Variants in CSMD3 observed in about 807,000 individuals in gnomAD.
CSMD3 encodes CUB and sushi domain-containing protein 3.
In CSMD3, 177 loss-of-function variants were observed where a neutral mutation model predicts 435.2. The ratio of observed to expected loss-of-function variants is 0.41; its 90% confidence interval spans 0.36 to 0.46. The LOEUF (loss-of-function observed/expected upper bound fraction) is 0.46, where lower values mean the gene tolerates loss of function less well. Among genes scored for constraint, CSMD3 ranks in the 20% least tolerant of loss-of-function variants. CSMD3 has a pLI of 0.34. For synonymous variants in CSMD3, 1,656 were observed against 1,520.5 expected (o/e 1.09, Z -2.07); for missense variants, 4,265 against 4,504.6 (o/e 0.95, Z 1.52).
At chr8:113,152,789 G>A (rs760712774) in intron 4 of CSMD3, among the ~76,000 whole-genome samples, 7 of 151,720 alleles carry the variant, frequency 4.6e-5, no homozygotes, top group Non-Finnish European at 7.4e-5. Context: ...AACTAGCCTG[G>A]CCAACATTGT....
intron 28 of CSMD3, among the ~76,000 whole-genome samples, chr8:112,507,572 C>T (rs1041451995): frequency 6.6e-6 from 1 of 152,158 alleles, no homozygotes; most frequent in Non-Finnish European, 1.5e-5. Context: ...ACAATGTCTC[C>T]TACACATAAT....
At chr8:112,287,593 A>G (rs1329213970) in intron 57 of CSMD3, among the ~76,000 whole-genome samples, 1 of 152,094 alleles carries the variant, frequency 6.6e-6, no homozygotes, top group Admixed American at 6.6e-5. Context: ...GACTCATAAA[A>G]CCAAAATTTA....
intron 1 of CSMD3, among the ~76,000 whole-genome samples, chr8:113,343,254 A>G (rs2094131902): frequency 6.6e-6 from 1 of 152,164 alleles, no homozygotes; most frequent in South Asian, 2.1e-4. Flanking sequence ...ATTCAAAGAA[A>G]AAAATATGGT....
intron 47 of CSMD3, among the ~76,000 whole-genome samples, chr8:112,315,767 A>G (rs1822401185): frequency 1.3e-5 from 2 of 151,974 alleles, no homozygotes; most frequent in South Asian, 2.1e-4. Flanking sequence ...GGTTAATTAG[A>G]AATATATCCC....
At chr8:113,076,433 AC>A (rs968975905) in intron 5 of CSMD3, among the ~76,000 whole-genome samples, 9 of 152,110 alleles carry the variant, frequency 5.9e-5, no homozygotes, top group Admixed American at 2.6e-4. Context: ...AATACCCAGA[AC>A]AGCAACATTA....
chr8:113,395,907 T>G (rs748354409), intron 1 of CSMD3, among the ~76,000 whole-genome samples: 11 of 152,138 alleles, frequency 7.2e-5, no homozygotes, highest in South Asian at 2.1e-4. Context: ...TCTAAGAAAA[T>G]TCAGTGGTAA....
intron 10 of CSMD3, among the ~76,000 whole-genome samples, chr8:112,882,393 T>A (rs1396496218): frequency 6.6e-6 from 1 of 151,986 alleles, no homozygotes; most frequent in South Asian, 2.1e-4. Flanking sequence ...GCAGATTTAC[T>A]GAGCATGACA....
chr8:112,537,191 A>T (rs1011298343), intron 27 of CSMD3, among the ~76,000 whole-genome samples: 3 of 151,828 alleles, frequency 2.0e-5, no homozygotes, highest in Non-Finnish European at 4.4e-5. Flanking sequence ...AAAAAAAAAG[A>T]TTTCTTGAAA....
chr8:112,331,525 G>C (rs982939647), intron 45 of CSMD3, among the ~76,000 whole-genome samples: 9 of 151,028 alleles, frequency 6.0e-5, no homozygotes, highest in African/African-American at 2.2e-4. Flanking sequence ...TGGCTGCCTG[G>C]ATCTTATAAA....
At chr8:113,254,319 G>A (rs762354065) in intron 3 of CSMD3, among the ~76,000 whole-genome samples, 10 of 152,206 alleles carry the variant, frequency 6.6e-5, no homozygotes, top group African/African-American at 1.2e-4. Context: ...AGCTGGAAGC[G>A]TGCATGATTG....
chr8:112,516,489 C>T (rs577649025), intron 28 of CSMD3, among the ~76,000 whole-genome samples: 116 of 152,214 alleles, frequency 7.6e-4, no homozygotes, highest in Middle Eastern at 3.4e-3. Context: ...TAGAGTCTAA[C>T]TTGGAGATTC....
intron 23 of CSMD3, among the ~76,000 whole-genome samples, chr8:112,581,270 C>G (rs1461954798): frequency 1.3e-5 from 2 of 151,856 alleles, no homozygotes; most frequent in Non-Finnish European, 2.9e-5. Context: ...AGATTTGAAC[C>G]TAGGTTTACC....
At position 113,399,106 on chromosome 8, in the gene CSMD3, T is replaced by TATACACACACACAC. The variant is rs773585004; in HGVS notation, c.178+37570_178+37571insGTGTGTGTGTGTAT. Among the ~76,000 whole-genome samples, 5 of 95,064 alleles carry TATACACACACACAC rather than the reference T, an allele frequency of 5.3e-5. No individual in the cohort carries two copies. In the South Asian group the frequency reaches 2.1e-3, roughly 40 times the overall value. 62.4% of individuals were successfully genotyped at this position (95,064 alleles called of 152,430 possible). ...ATATATATATATATATATATATATA[T>TATACACACACACAC]ACACACACACACACACACTATATAT... On this transcript the variant is annotated intron_variant, in intron 1 of 70. Coordinates refer to ENST00000297405, the MANE Select transcript of CSMD3 (RefSeq NM_198123.2).
rs10542301 is a variant in CSMD3 at position 112,252,679 on chromosome 8, G to GTATATA, written c.10110+1568_10110+1573dup. On this transcript the variant is annotated intron_variant, in intron 63 of 70. Transcript: ENST00000297405. The stretch of plus-strand genomic sequence containing the variant: ...GTTAACAGATTTAGTATGTGTGTGT[G>GTATATA]TATATATATATATATATATATATAT... Among the ~76,000 whole-genome samples the GTATATA allele has an allele frequency of 7.6e-4, 108 of 141,454 alleles. 1 individual carries two copies. Among genetic ancestry groups the GTATATA allele is most frequent in the South Asian group, 3.6e-3 (16 of 4,434 alleles). The allele number at this position is 141,454 out of a possible 152,430, so 92.8% of individuals were successfully genotyped here.
At chr8:112,356,151 C>T (rs1338993945) in intron 38 of CSMD3, among the ~76,000 whole-genome samples, 1 of 152,048 alleles carries the variant, frequency 6.6e-6, no homozygotes, top group Non-Finnish European at 1.5e-5. Flanking sequence ...TTAGAACTAC[C>T]ATTTAACCCA....
intron 6 of CSMD3, among the ~76,000 whole-genome samples, chr8:113,015,116 T>G (rs2086405501): frequency 6.6e-6 from 1 of 152,032 alleles, no homozygotes; most frequent in Admixed American, 6.6e-5. Context: ...ATATAAAAAA[T>G]GGATGAACTA....
At chr8:112,497,645 A>G (rs1821494174) in intron 30 of CSMD3, among the ~76,000 whole-genome samples, 1 of 152,004 alleles carries the variant, frequency 6.6e-6, no homozygotes, top group Admixed American at 6.6e-5. Context: ...AAATATTTTT[A>G]CTATCTAGGG....
chr8:113,269,588 C>G (rs533707861), intron 3 of CSMD3, among the ~76,000 whole-genome samples: 235 of 152,208 alleles, frequency 1.5e-3, no homozygotes, highest in African/African-American at 5.5e-3. Flanking sequence ...ACCAAAACAG[C>G]ATGGTACTGG....
At chr8:112,905,102 T>G (rs1177730646) in intron 10 of CSMD3, among the ~76,000 whole-genome samples, 1 of 151,346 alleles carries the variant, frequency 6.6e-6, no homozygotes, top group East Asian at 2.0e-4. Context: ...AAGTTTAGAT[T>G]GATGAGAAAT....
Sources: allele counts gnomAD v4.1 joint callset (sites outside exome capture counted in the v4.1 genomes callset), GRCh38; gene constraint gnomAD v4.1.1; transcripts MANE v1.5; gene names NCBI Gene and HGNC (gene_info 2026-07-23, HGNC 2026-07-21).